GRIN3A: variants seen among roughly 807,000 people sequenced by gnomAD.
GRIN3A encodes glutamate ionotropic receptor NMDA type subunit 3A, also known as glutamate receptor ionotropic, NMDA 3A.
GRIN3A carries 47 observed loss-of-function variants against 92.4 expected under a neutral mutation model. That is an observed-to-expected ratio of 0.51 (90% CI 0.40 to 0.65). The LOEUF is 0.65. GRIN3A is among the 30% of genes least tolerant of loss of function. GRIN3A has a pLI of 0.00. For synonymous variants in GRIN3A, 527 were observed against 540.6 expected (o/e 0.97, Z 0.35); for missense variants, 1,324 against 1,393.1 (o/e 0.95, Z 0.79).
chr9:101,594,995 C>G, intron 6 of GRIN3A: 1 of 1,455,912 alleles, frequency 6.9e-7, no homozygotes, highest in Non-Finnish European at 9.1e-7. Context: ...GGGCGGGGCT[C>G]GTGCCCGGAC....
intron 1 of GRIN3A, among the ~76,000 whole-genome samples, chr9:101,702,263 C>A (rs1205449267): frequency 6.6e-6 from 1 of 152,162 alleles, no homozygotes; most frequent in Non-Finnish European, 1.5e-5. Flanking sequence ...GATCACCCCA[C>A]TGCACCTCAG....
At chr9:101,678,829 C>T (rs982245244) in intron 2 of GRIN3A, among the ~76,000 whole-genome samples, 2 of 152,178 alleles carry the variant, frequency 1.3e-5, no homozygotes, top group Non-Finnish European at 1.5e-5. Context: ...TTGTAACTGG[C>T]AAGCTGGCAC....
rs1467200449 is a variant in GRIN3A at position 101,738,206 on chromosome 9, G to T, written c.-227C>A. ...TCCCTCCGCCTGGCATCCTCTGCCC[G>T]CCCGGTCACTGCGCTGAGCAGGCAG... On this transcript the variant is annotated 5_prime_UTR_variant, in exon 1 of 9. Transcript: ENST00000361820. 4 of 602,386 alleles carry T rather than the reference G, an allele frequency of 6.6e-6. No homozygotes were observed. Among genetic ancestry groups the T allele is most frequent in the Non-Finnish European group, 1.2e-5 (4 of 334,204 alleles). 37.3% of individuals were successfully genotyped at this position (602,386 alleles called of 1,614,324 possible).
At chr9:101,712,951 G>A (rs1190606856) in intron 1 of GRIN3A, among the ~76,000 whole-genome samples, 3 of 152,190 alleles carry the variant, frequency 2.0e-5, no homozygotes, top group Non-Finnish European at 4.4e-5. Context: ...CTATCTTTGT[G>A]AATGAGGAAA....
chr9:101,629,613 C>T (rs565660334), intron 3 of GRIN3A, among the ~76,000 whole-genome samples: 20 of 152,296 alleles, frequency 1.3e-4, no homozygotes, highest in South Asian at 6.2e-4. Context: ...GTTCCATGCA[C>T]TGAACAAATT....
At chr9:101,661,980 G>T (rs181466811) in intron 3 of GRIN3A, among the ~76,000 whole-genome samples, 2 of 151,398 alleles carry the variant, frequency 1.3e-5, no homozygotes, top group African/African-American at 2.4e-5. Context: ...ATTAATTGTC[G>T]CATTTATTTA....
At chr9:101,717,088 T>C (rs1314283880) in intron 1 of GRIN3A, among the ~76,000 whole-genome samples, 1 of 152,192 alleles carries the variant, frequency 6.6e-6, no homozygotes, top group South Asian at 2.1e-4. Flanking sequence ...CTGCCCCAGG[T>C]CATTGATTCT....
chr9:101,714,542 C>T (rs927657686), intron 1 of GRIN3A, among the ~76,000 whole-genome samples: 4 of 152,048 alleles, frequency 2.6e-5, no homozygotes, highest in African/African-American at 9.7e-5. Flanking sequence ...CCTATTGTCC[C>T]CTGTAGTTAT....
chr9:101,647,716 A>G (rs1218733799), intron 3 of GRIN3A, among the ~76,000 whole-genome samples: 2 of 151,728 alleles, frequency 1.3e-5, no homozygotes, highest in Non-Finnish European at 2.9e-5. Context: ...TCATCATTTG[A>G]TCTTGGTAGG....
At chr9:101,580,112 A>G (rs1439255831) in intron 6 of GRIN3A, among the ~76,000 whole-genome samples, 1 of 152,136 alleles carries the variant, frequency 6.6e-6, no homozygotes, top group Non-Finnish European at 1.5e-5. Context: ...TTTCATAAAT[A>G]TTTATGACTC....
chr9:101,671,670 G>A (rs932148609), intron 2 of GRIN3A, among the ~76,000 whole-genome samples: 3 of 152,102 alleles, frequency 2.0e-5, no homozygotes, highest in African/African-American at 7.2e-5. Flanking sequence ...TTCTTCTTGT[G>A]GAATGAAATC....
chr9:101,578,989 A>G lies in GRIN3A; in HGVS notation c.2931+207T>C, dbSNP rs563618666. ...GAACAACAGTGGAGGGTTATAGGAA[A>G]GGAAGGAGCACTGTGGGATGCCTTA... On this transcript the variant is annotated intron_variant, in intron 7 of 8. Coordinates refer to ENST00000361820, the MANE Select transcript of GRIN3A (RefSeq NM_133445.3). Among the ~76,000 whole-genome samples the G allele has an allele frequency of 2.0e-5, 3 of 152,326 alleles. No homozygotes were observed. In the South Asian group the frequency reaches 6.2e-4, roughly 32 times the overall value.
chr9:101,719,734 C>T (rs1269122393), intron 1 of GRIN3A, among the ~76,000 whole-genome samples: 1 of 152,176 alleles, frequency 6.6e-6, no homozygotes, highest in African/African-American at 2.4e-5. Flanking sequence ...ATGAAGTAAG[C>T]TTCATAGGTT....
intron 1 of GRIN3A, among the ~76,000 whole-genome samples, chr9:101,718,787 T>TA (rs1284059588): frequency 1.3e-5 from 2 of 152,166 alleles, no homozygotes; most frequent in African/African-American, 4.8e-5. Context: ...TTTCCTCTTT[T>TA]AAAAAAGTAC....
chr9:101,666,069 C>T (rs1829232852), intron 3 of GRIN3A, among the ~76,000 whole-genome samples: 1 of 151,828 alleles, frequency 6.6e-6, no homozygotes, highest in Non-Finnish European at 1.5e-5. Context: ...TTATGAGTCA[C>T]CTTTCCTCTT....
At chr9:101,686,110 C>G (rs1829530164) in intron 2 of GRIN3A, among the ~76,000 whole-genome samples, 1 of 151,998 alleles carries the variant, frequency 6.6e-6, no homozygotes, top group Non-Finnish European at 1.5e-5. Flanking sequence ...CTAATTTTTT[C>G]TTTGTATAGA....
chr9:101,731,226 G>C (rs1353607745), intron 1 of GRIN3A, among the ~76,000 whole-genome samples: 1 of 152,070 alleles, frequency 6.6e-6, no homozygotes, highest in Non-Finnish European at 1.5e-5. Context: ...GATCCAATCT[G>C]TTCTTTGGTT....
intron 6 of GRIN3A, among the ~76,000 whole-genome samples, chr9:101,590,153 C>T (rs528055120): frequency 2.6e-5 from 4 of 152,140 alleles, no homozygotes; most frequent in Non-Finnish European, 5.9e-5. Context: ...TTCTGATCTA[C>T]ACAGCTTTAC....
At chr9:101,679,339 C>A (rs1829439383) in intron 2 of GRIN3A, among the ~76,000 whole-genome samples, 1 of 152,126 alleles carries the variant, frequency 6.6e-6, no homozygotes, top group Non-Finnish European at 1.5e-5. Flanking sequence ...TGGAAGCTCT[C>A]CTAATTGGGA....
Sources: gnomAD v4.1 joint callset for allele counts (sites outside exome capture counted in the v4.1 genomes callset) on GRCh38, gnomAD v4.1.1 for gene constraint, MANE v1.5 for transcripts, NCBI Gene and HGNC (gene_info 2026-07-23, HGNC 2026-07-21) for gene names.